PKHD1: variants seen among roughly 807,000 people sequenced by gnomAD.
The protein encoded by PKHD1 is PKHD1 ciliary IPT domain containing fibrocystin/polyductin, also known as fibrocystin.
In PKHD1, 291 loss-of-function variants were observed where a neutral mutation model predicts 412.0. The observed-to-expected ratio is 0.71, with a 90% CI of 0.64 to 0.78. The LOEUF (loss-of-function observed/expected upper bound fraction) is 0.78, where lower values mean the gene tolerates loss of function less well. PKHD1 is among the 30% of genes least tolerant of loss of function. PKHD1 has a pLI of 0.00. For missense variants in PKHD1, 4,825 were observed against 4,950.7 expected (o/e 0.97, Z 0.76); for synonymous variants, 1,777 against 1,821.5 (o/e 0.98, Z 0.62).
chr6:51,627,068 A>G lies in PKHD1; in HGVS notation c.11714T>C (p.Ile3905Thr). The G allele has an allele frequency of 6.2e-7, 1 of 1,610,490 alleles. No individual in the cohort carries two copies. Among genetic ancestry groups the G allele is most frequent in the Non-Finnish European group, 8.5e-7 (1 of 1,176,916 alleles). The change falls in exon 66 of 67, where the codon ATT becomes ACT. Residue 3905 changes from isoleucine (I) to threonine (T), a missense_variant. Physicochemically the swap from Ile to Thr is moderately conservative, Grantham distance 89 (BLOSUM62 -1). Coordinates refer to ENST00000371117, the MANE Select transcript of PKHD1 (RefSeq NM_138694.4). ...IPESQTNNQN[I>T]HIHISSKRRE... is the part of the protein sequence containing the mutation. ...GCGTTTGGATGAGATGTGGATATGAATATTTTGATTATTAGTCTGGGATTC... is the reference window on the plus strand; with the variant it reads ...GCGTTTGGATGAGATGTGGATATGAGTATTTTGATTATTAGTCTGGGATTC...
chr6:51,798,618 T>G (rs1232149754), intron 52 of PKHD1, among the ~76,000 whole-genome samples: 4 of 152,156 alleles, frequency 2.6e-5, no homozygotes, highest in African/African-American at 9.7e-5. Flanking sequence ...GATCTTCTCA[T>G]GGAGTACCTT....
intron 58 of PKHD1, among the ~76,000 whole-genome samples, chr6:51,747,178 A>G (rs1357375911): frequency 6.6e-6 from 1 of 152,210 alleles, no homozygotes; most frequent in East Asian, 1.9e-4. Flanking sequence ...CAGAAAGACA[A>G]ACCCACTGCC....
chr6:52,059,236 T>G (rs1808281043), intron 15 of PKHD1, among the ~76,000 whole-genome samples: 1 of 148,974 alleles, frequency 6.7e-6, no homozygotes, highest in South Asian at 2.1e-4. Flanking sequence ...CACACAATCT[T>G]TCTTTTTTTT....
chr6:51,909,429 C>T lies in PKHD1; in HGVS notation c.6536G>A (p.Gly2179Glu), dbSNP rs1440917987. 1.2e-6 allele frequency: 2 copies of T among 1,613,342 alleles called. No homozygotes were observed. Among genetic ancestry groups the T allele is most frequent in the East Asian group, 4.5e-5 (2 of 44,858 alleles). ...CLYSMSEKML[G>E]SRDMGARVIV... ...CACTCTGGCTCCCATATCCCTGGATCCTAGCATCTTCTCACTCATGGAATA... is the reference window on the plus strand; with the variant it reads ...CACTCTGGCTCCCATATCCCTGGATTCTAGCATCTTCTCACTCATGGAATA... The change falls in exon 40 of 67, where the codon GGA (glycine) becomes GAA (glutamate). Residue 2179 changes from glycine to glutamate, a missense_variant. By Grantham distance (98) the Gly-to-Glu change is moderately conservative (BLOSUM62 -2). Transcript: ENST00000371117.
At chr6:52,065,434 A>G (rs1474796276) in intron 12 of PKHD1, among the ~76,000 whole-genome samples, 1 of 152,044 alleles carries the variant, frequency 6.6e-6, no homozygotes, top group Non-Finnish European at 1.5e-5. Context: ...CTAACTGAGC[A>G]TGGGAGGTAA....
chr6:51,810,257 A>T (rs1289652922), intron 52 of PKHD1, among the ~76,000 whole-genome samples: 2 of 152,140 alleles, frequency 1.3e-5, no homozygotes, highest in African/African-American at 4.8e-5. Flanking sequence ...TTCTAATGGG[A>T]AGCAGATGAG....
intron 35 of PKHD1, among the ~76,000 whole-genome samples, chr6:52,003,839 A>G (rs1321059861): frequency 6.6e-6 from 1 of 152,134 alleles, no homozygotes; most frequent in African/African-American, 2.4e-5. Flanking sequence ...AGATTATTGC[A>G]TTTCCATAAT....
intron 50 of PKHD1, among the ~76,000 whole-genome samples, chr6:51,844,116 C>T (rs1323644106): frequency 4.6e-5 from 7 of 152,138 alleles, no homozygotes; most frequent in South Asian, 2.1e-4. Flanking sequence ...ATCAGGAAAA[C>T]GTTGGTGAAA....
intron 35 of PKHD1, among the ~76,000 whole-genome samples, chr6:51,996,458 G>A (rs745959336): frequency 2.6e-5 from 4 of 152,152 alleles, no homozygotes; most frequent in African/African-American, 7.2e-5. Flanking sequence ...AGCCATCCCC[G>A]TTGGGAGCTG....
intron 36 of PKHD1, among the ~76,000 whole-genome samples, chr6:51,956,583 C>T (rs1791180500): frequency 1.3e-5 from 2 of 151,956 alleles, no homozygotes; most frequent in African/African-American, 4.8e-5. Context: ...GTAGAGGAGA[C>T]AGACTATAAA....
chr6:51,757,936 CT>C (rs1272145282), intron 55 of PKHD1, among the ~76,000 whole-genome samples: 1 of 150,542 alleles, frequency 6.6e-6, no homozygotes, highest in Non-Finnish European at 1.5e-5. Context: ...GCTTAGGCCC[CT>C]GAGGTTGAAA....
In PKHD1 at chr6:52,010,564, G is replaced by A. The variant is rs1044522427; in HGVS notation, c.5601-105C>T. 21 of 974,100 alleles carry A rather than the reference G, an allele frequency of 2.2e-5. No individual in the cohort carries two copies. The Middle Eastern group carries it at 1.9e-3, about 90-fold the overall frequency. The allele number at this position is 974,100 out of a possible 1,614,324, so 60.3% of individuals were successfully genotyped here. On this transcript the variant is annotated intron_variant, in intron 34 of 66. Transcript: ENST00000371117. ...AAGCCATTAGCTTGTGGCAACTACA[G>A]GCCACCATTTGTCAAATTTTGCAAA...
Position 52,014,534 on chromosome 6 carries a change from T to C in PKHD1, c.5600+2876A>G, listed in dbSNP as rs374531154. The stretch of plus-strand genomic sequence containing the variant: ...ATGGATGGATGGATGGATGGAGAGA[T>C]GGATGGATGGATGAATATACTGGAT... On this transcript the variant is annotated intron_variant, in intron 34 of 66. Transcript: ENST00000371117. Among the ~76,000 whole-genome samples the C allele has an allele frequency of 6.0e-5, 9 of 150,522 alleles. No homozygotes were observed. In the East Asian group the frequency reaches 1.8e-3, roughly 30 times the overall value.
chr6:51,796,532 C>A (rs999148792), intron 52 of PKHD1, among the ~76,000 whole-genome samples: 46 of 151,440 alleles, frequency 3.0e-4, no homozygotes, highest in African/African-American at 1.1e-3. Context: ...TTCTTGTCTT[C>A]TGCTAGCTTT....
In PKHD1 at chr6:51,694,259, G is replaced by A. The variant is rs555515325; in HGVS notation, c.10157-34290C>T. ...TCTACTACATTCTGGTCTCATCCTG[G>A]ATAATCTAATTTTACTGATCTTTTT... On this transcript the variant is annotated intron_variant, in intron 60 of 66. Coordinates refer to ENST00000371117, the MANE Select transcript of PKHD1 (RefSeq NM_138694.4). 8.6e-5 allele frequency among the ~76,000 whole-genome samples: 13 copies of A among 151,888 alleles called. No homozygotes were observed. The South Asian group carries it at 2.1e-3, about 24-fold the overall frequency.
chr6:51,748,467 C>T lies in PKHD1; in HGVS notation c.9149G>A (p.Gly3050Asp). The change falls in exon 58 of 67, where the codon GGC becomes GAC. Residue 3050 changes from glycine to aspartate, a missense_variant. Physicochemically the swap from Gly to Asp is moderately conservative, Grantham distance 94. Transcript: ENST00000371117. ...ATAGGCCTGACCCTCTAAATCTATG[C>T]CATGGCCAGCTGTGCCAAACACAAT... ...DNIVFGTAGH[G>D]IDLEGQAYTV... The T allele has an allele frequency of 1.2e-6, 2 of 1,613,914 alleles. No homozygotes were observed. The highest frequency in any genetic ancestry group is 2.2e-5 in the East Asian group (1 of 44,874).
chr6:51,763,116 C>T (rs774912658), intron 55 of PKHD1, among the ~76,000 whole-genome samples: 14 of 152,142 alleles, frequency 9.2e-5, no homozygotes, highest in African/African-American at 1.9e-4. Flanking sequence ...GTAGAACACA[C>T]GCAATGGAAT....
chr6:51,999,892 A>G (rs1054389474), intron 35 of PKHD1, among the ~76,000 whole-genome samples: 1 of 152,056 alleles, frequency 6.6e-6, no homozygotes, highest in African/African-American at 2.4e-5. Context: ...ACATACCACA[A>G]CCACCACCAC....
At chr6:51,706,931 A>G (rs1438752179) in intron 60 of PKHD1, among the ~76,000 whole-genome samples, 1 of 152,212 alleles carries the variant, frequency 6.6e-6, no homozygotes, top group East Asian at 1.9e-4. Flanking sequence ...TTCATATGCT[A>G]GCCAAGCATT....
Sources: gnomAD v4.1 joint callset for allele counts (sites outside exome capture counted in the v4.1 genomes callset) on GRCh38, gnomAD v4.1.1 for gene constraint, MANE v1.5 for transcripts, NCBI Gene and HGNC (gene_info 2026-07-23, HGNC 2026-07-21) for gene names.